TBC1D31: variants seen among roughly 807,000 people sequenced by gnomAD.
TBC1D31 encodes the protein WD repeat domain 67.
Under a neutral mutation model 132.9 loss-of-function variants are expected in TBC1D31, and 99 were observed. The ratio of observed to expected loss-of-function variants is 0.74; its 90% CI spans 0.63 to 0.88. TBC1D31 has a LOEUF of 0.88. TBC1D31 is among the 40% of genes least tolerant of loss of function. TBC1D31 has a pLI of 0.00. For synonymous variants in TBC1D31, 385 were observed against 419.4 expected (o/e 0.92, Z 1.00); for missense variants, 1,134 against 1,256.6 (o/e 0.90, Z 1.48).
At chr8:123,101,057 TTA>T (rs760073073) in intron 7 of TBC1D31, 50 bp downstream of exon 7, 4 of 1,271,772 alleles carry the variant, frequency 3.1e-6, no homozygotes, top group Non-Finnish European at 4.5e-6. Flanking sequence ...CACTTATATA[TTA>T]TATCATCAAG....
intron 11 of TBC1D31, among the ~76,000 whole-genome samples, chr8:123,125,426 A>C (rs893092502): frequency 6.6e-6 from 1 of 152,192 alleles, no homozygotes; most frequent in Non-Finnish European, 1.5e-5. Flanking sequence ...TTACTGAAAC[A>C]AGTTGTCAAT....
At chr8:123,151,720 C>T in intron 21 of TBC1D31, 86 bp from the exon 22 acceptor site, 1 of 1,318,282 alleles carries the variant, frequency 7.6e-7, no homozygotes, top group Non-Finnish European at 1.0e-6. Context: ...TTTGTTTTTA[C>T]AACACATTTA....
At chr8:123,126,235 C>G in intron 12 of TBC1D31, 46 bp downstream of exon 12, 1 of 1,576,010 alleles carries the variant, frequency 6.3e-7, no homozygotes, top group Non-Finnish European at 8.6e-7. Flanking sequence ...ATTTTGTAAG[C>G]TAACATTGGT....
chr8:123,127,261 A>ATTTTTT (rs35198781), intron 13 of TBC1D31, among the ~76,000 whole-genome samples: 10 of 69,924 alleles, frequency 1.4e-4, no homozygotes, highest in Admixed American at 4.1e-4. Flanking sequence ...TGCTTTTTGC[A>ATTTTTT]TTTTTTTTTT....
intron 17 of TBC1D31, among the ~76,000 whole-genome samples, chr8:123,135,816 T>C (rs916908965): frequency 1.3e-5 from 2 of 152,164 alleles, no homozygotes; most frequent in Non-Finnish European, 1.5e-5. Flanking sequence ...TGTAATTCAT[T>C]TGGACTAAGC....
At chr8:123,119,868 T>TACTA (rs1191834455) in intron 10 of TBC1D31, among the ~76,000 whole-genome samples, 187 bp from the exon 11 acceptor site, 4 of 152,240 alleles carry the variant, frequency 2.6e-5, no homozygotes, top group African/African-American at 4.8e-5. Flanking sequence ...TTTTATAATA[T>TACTA]ACTACCATTT....
chr8:123,110,538 C>T (rs1004433426), intron 10 of TBC1D31, among the ~76,000 whole-genome samples: 2 of 152,018 alleles, frequency 1.3e-5, no homozygotes, highest in African/African-American at 4.8e-5. Flanking sequence ...AAATTTCAAG[C>T]ATAAATAAAA....
intron 17 of TBC1D31, 73 bp from the exon 18 acceptor site, chr8:123,140,688 T>C (rs1197109292): frequency 2.4e-6 from 3 of 1,260,794 alleles, no homozygotes; most frequent in Non-Finnish European, 3.3e-6. Flanking sequence ...CATATTACTA[T>C]TCTGAAAAAA....
intron 19 of TBC1D31, 114 bp from the exon 20 acceptor site, chr8:123,144,595 TCCTACTTG>T: frequency 1.0e-6 from 1 of 961,136 alleles, no homozygotes; most frequent in Non-Finnish European, 1.5e-6. Flanking sequence ...ACCAAACAGA[TCCTACTTG>T]CCATGGGAAT....
chr8:123,095,435 G>A (rs1359616755), intron 5 of TBC1D31, among the ~76,000 whole-genome samples: 1 of 152,158 alleles, frequency 6.6e-6, no homozygotes, highest in East Asian at 1.9e-4. Context: ...TAAAGGAAAG[G>A]CAGGATAAAT....
In TBC1D31 at chr8:123,129,186, AGAG is replaced by A. The variant is rs766169143; in HGVS notation, c.2245_2247del (p.Glu749del). ...AAACAAGAAGAGAAATGCTCTTACAAGAGGAGGAGAAAATGATACAACAAAGAC... is the reference window on the plus strand; with the variant it reads ...AAACAAGAAGAGAAATGCTCTTACAAGAGGAGAAAATGATACAACAAAGAC... On this transcript the variant is annotated inframe_deletion, in exon 15 of 22. Coordinates refer to ENST00000287380, the MANE Select transcript of TBC1D31 (RefSeq NM_145647.4). 3.7e-6 allele frequency: 6 copies of A among 1,603,674 alleles called. No homozygotes were observed. The African/African-American group carries it at 5.4e-5, about 14-fold the overall frequency.
At chr8:123,160,321 A>T in the TBC1D31 span, among the ~76,000 whole-genome samples, 1 of 152,214 alleles carries the variant, frequency 6.6e-6, no homozygotes, top group Non-Finnish European at 1.5e-5. Flanking sequence ...CAGGTTTTTT[A>T]AAAACATACT....
intron 7 of TBC1D31, chr8:123,102,454 A>C: frequency 2.9e-6 from 1 of 343,122 alleles, no homozygotes; most frequent in South Asian, 2.3e-5. Context: ...AAAAATAAGA[A>C]TGTACAGAAT....
At chr8:123,130,794 G>A (rs934071319) in intron 16 of TBC1D31, among the ~76,000 whole-genome samples, 14 of 151,300 alleles carry the variant, frequency 9.3e-5, no homozygotes, top group African/African-American at 3.1e-4. Context: ...GCTAATTTTT[G>A]TATTTTTCTT....
At chr8:123,077,059 T>C in intron 1 of TBC1D31, 52 bp from the exon 2 acceptor site, 1 of 1,495,984 alleles carries the variant, frequency 6.7e-7, no homozygotes, top group South Asian at 1.3e-5. Flanking sequence ...TTTTTCATAA[T>C]ATCAAGTAAT....
intron 6 of TBC1D31, among the ~76,000 whole-genome samples, chr8:123,098,668 T>A (rs1817068613): frequency 6.6e-6 from 1 of 152,242 alleles, no homozygotes; most frequent in East Asian, 1.9e-4. Context: ...GTGTTGCAGT[T>A]TATTTTTTAA....
intron 11 of TBC1D31, among the ~76,000 whole-genome samples, chr8:123,124,115 T>G (rs1426465055): frequency 1.3e-5 from 2 of 151,996 alleles, no homozygotes; most frequent in Non-Finnish European, 2.9e-5. Context: ...TTCTGAATGC[T>G]TCTAAGTAAG....
intron 11 of TBC1D31, among the ~76,000 whole-genome samples, chr8:123,124,463 C>T (rs1411920592): frequency 2.0e-5 from 3 of 152,088 alleles, no homozygotes; most frequent in African/African-American, 2.4e-5. Context: ...AGCAGGCAGA[C>T]GGTTACTGTA....
At chr8:123,130,949 T>C (rs923393099) in intron 16 of TBC1D31, among the ~76,000 whole-genome samples, 1 of 152,042 alleles carries the variant, frequency 6.6e-6, no homozygotes, top group African/African-American at 2.4e-5. Context: ...GGACATATTC[T>C]TTTTTCATAT....
Sources: allele counts gnomAD v4.1 joint callset (sites outside exome capture counted in the v4.1 genomes callset), GRCh38; gene constraint gnomAD v4.1.1; transcripts MANE v1.5; gene names NCBI Gene and HGNC (gene_info 2026-07-23, HGNC 2026-07-21).